The following KCNB2 variants were observed in gnomAD, a reference collection of about 807,000 sequenced individuals.
KCNB2 encodes the protein potassium voltage-gated channel subfamily B member 2, also known as delayed rectifier potassium channel protein.
A neutral mutation model predicts 61.5 loss-of-function variants in KCNB2; 15 were observed. The observed-to-expected ratio is 0.24, with a 90% CI of 0.16 to 0.38. The LOEUF is 0.38. Ranked by LOEUF, KCNB2 falls within the 10% of genes least tolerant of loss-of-function variation. The pLI is 1.00. For synonymous variants in KCNB2, 457 were observed against 446.0 expected, an observed-to-expected ratio of 1.02 and a Z score of -0.31; for missense variants, 828 against 1,125.2, an observed-to-expected ratio of 0.74 and a Z score of 3.78.
intron 2 of KCNB2, among the ~76,000 whole-genome samples, chr8:72,738,993 A>T (rs1162572077): frequency 6.6e-6 from 1 of 152,132 alleles, no homozygotes; most frequent in Non-Finnish European, 1.5e-5. Context: ...ATTTATTAGG[A>T]TTAAAAGATT....
intron 2 of KCNB2, among the ~76,000 whole-genome samples, chr8:72,823,450 T>C (rs1347170904): frequency 6.6e-6 from 1 of 152,002 alleles, no homozygotes; most frequent in Non-Finnish European, 1.5e-5. Context: ...CAGCCAAGGG[T>C]GTTGTTCATG....
intron 2 of KCNB2, among the ~76,000 whole-genome samples, chr8:72,903,313 G>A (rs1034666613): frequency 6.6e-6 from 1 of 152,188 alleles, no homozygotes; most frequent in East Asian, 1.9e-4. Flanking sequence ...TTGAGGTTGA[G>A]TCCTGGCAGG....
intron 2 of KCNB2, among the ~76,000 whole-genome samples, chr8:72,599,258 C>T (rs368624879): frequency 3.3e-5 from 5 of 152,010 alleles, no homozygotes; most frequent in South Asian, 4.1e-4. Flanking sequence ...GAGATATAGA[C>T]CAATGGAACA....
chr8:72,824,940 G>GT (rs1281619956), intron 2 of KCNB2, among the ~76,000 whole-genome samples: 2 of 152,176 alleles, frequency 1.3e-5, no homozygotes, highest in African/African-American at 4.8e-5. Flanking sequence ...CAAGTGTACA[G>GT]TTTTTGGCAT....
chr8:72,564,530 A>G (rs938643208), intron 1 of KCNB2, among the ~76,000 whole-genome samples: 1 of 152,190 alleles, frequency 6.6e-6, no homozygotes, highest in Non-Finnish European at 1.5e-5. Flanking sequence ...CCTACAACTA[A>G]GTTATTTAGT....
chr8:72,663,478 C>CA (rs1484318993), intron 2 of KCNB2, among the ~76,000 whole-genome samples: 1 of 152,102 alleles, frequency 6.6e-6, no homozygotes, highest in Non-Finnish European at 1.5e-5. Context: ...GAATGTGTGC[C>CA]ATGCTGGGTG....
chr8:72,696,914 T>A (rs1807027100), intron 2 of KCNB2, among the ~76,000 whole-genome samples: 1 of 152,232 alleles, frequency 6.6e-6, no homozygotes, highest in Admixed American at 6.5e-5. Flanking sequence ...TTGTTGTTTT[T>A]CAAGATCACT....
At chr8:72,640,576 G>T (rs985062627) in intron 2 of KCNB2, among the ~76,000 whole-genome samples, 2 of 152,016 alleles carry the variant, frequency 1.3e-5, no homozygotes, top group Admixed American at 6.6e-5. Flanking sequence ...CACTTACGCT[G>T]AGGAATATTG....
rs530042866 is a variant in KCNB2 at position 72,767,981 on chromosome 8, C to T, written c.580-167954C>T. On this transcript the variant is annotated intron_variant, in intron 2 of 2. Transcript: ENST00000523207. ...CCTAAGGGTTAATGATGTTTTACAT[C>T]GTTTCATGTGTTTATTGGCCTTTGT... is the stretch of plus-strand genomic sequence containing the variant. 4.5e-4 allele frequency among the ~76,000 whole-genome samples: 69 copies of T among 152,218 alleles called. 2 individuals are homozygous for T. The Middle Eastern group carries it at 0.01, about 23-fold the overall frequency.
intron 2 of KCNB2, chr8:72,751,360 T>A (rs1048130525): frequency 5.9e-5 from 9 of 152,208 alleles, no homozygotes; most frequent in African/African-American, 2.2e-4. Context: ...GATATTAATA[T>A]TTCATTACAA....
intron 1 of KCNB2, among the ~76,000 whole-genome samples, chr8:72,559,055 A>G (rs922202456): frequency 4.6e-5 from 7 of 152,200 alleles, no homozygotes; most frequent in African/African-American, 1.7e-4. Context: ...ATGTAGAAGC[A>G]CAGAAGTAAG....
intron 2 of KCNB2, among the ~76,000 whole-genome samples, chr8:72,650,082 A>C (rs748500433): frequency 6.6e-6 from 1 of 152,186 alleles, no homozygotes; most frequent in Admixed American, 6.6e-5. Context: ...AAAGACAATT[A>C]TACAGAGAAG....
intron 2 of KCNB2, among the ~76,000 whole-genome samples, chr8:72,737,395 C>T (rs1476816679): frequency 6.6e-6 from 1 of 152,166 alleles, no homozygotes; most frequent in African/African-American, 2.4e-5. Flanking sequence ...TTCAGAGTTA[C>T]TGTGGGACAA....
intron 2 of KCNB2, among the ~76,000 whole-genome samples, chr8:72,711,804 A>G (rs1290530817): frequency 1.3e-5 from 2 of 152,192 alleles, no homozygotes; most frequent in African/African-American, 4.8e-5. Flanking sequence ...CCTGACCAAC[A>G]TGATGAAACC....
rs79609800 is a variant in KCNB2 at position 72,802,218 on chromosome 8, C to T, written c.580-133717C>T. On this transcript the variant is annotated intron_variant, in intron 2 of 2. Coordinates refer to ENST00000523207, the MANE Select transcript of KCNB2 (RefSeq NM_004770.3). ...CAGCAACTGATGCGGTGATTTCAGT[C>T]CTATAAGGCAGATAAAACAATTTGC... Among the ~76,000 whole-genome samples, 820 of 152,276 alleles carry T rather than the reference C, an allele frequency of 5.4e-3. 8 individuals are homozygous for T. The highest frequency in any genetic ancestry group is 7.6e-3 in the Non-Finnish European group (519 of 68,024).
intron 2 of KCNB2, among the ~76,000 whole-genome samples, chr8:72,808,734 C>A (rs1187524020): frequency 6.6e-6 from 1 of 152,118 alleles, no homozygotes; most frequent in Non-Finnish European, 1.5e-5. Context: ...CCACCCCACC[C>A]CCAAGCCAGC....
intron 2 of KCNB2, among the ~76,000 whole-genome samples, chr8:72,647,233 C>G (rs1279037558): frequency 1.3e-5 from 2 of 152,072 alleles, no homozygotes; most frequent in African/African-American, 2.4e-5. Flanking sequence ...CTCTGGCACT[C>G]TCTACTAAGG....
At chr8:72,884,790 A>C (rs1805774510) in intron 2 of KCNB2, among the ~76,000 whole-genome samples, 1 of 152,142 alleles carries the variant, frequency 6.6e-6, no homozygotes, top group Non-Finnish European at 1.5e-5. Flanking sequence ...TCTATCCCAC[A>C]CCAAGATCAC....
intron 2 of KCNB2, among the ~76,000 whole-genome samples, chr8:72,605,294 T>A (rs78852947): frequency 0.13 from 19,040 of 152,162 alleles, 1,676 homozygotes; most frequent in East Asian, 0.51. Context: ...GCTTGCTCCT[T>A]GGCAGCTGGT....
Sources: gnomAD v4.1 joint callset for allele counts (sites outside exome capture counted in the v4.1 genomes callset) on GRCh38, gnomAD v4.1.1 for gene constraint, MANE v1.5 for transcripts, NCBI Gene and HGNC (gene_info 2026-07-23, HGNC 2026-07-21) for gene names.